Variants in KCNAB1 observed in about 807,000 individuals in gnomAD.
KCNAB1 encodes potassium voltage-gated channel subfamily A regulatory beta subunit 1, also known as voltage-gated potassium channel subunit beta-1.
Under a neutral mutation model 64.6 loss-of-function variants are expected in KCNAB1, and 35 were observed. The observed-to-expected ratio is 0.54, with a 90% CI of 0.41 to 0.72. The LOEUF (loss-of-function observed/expected upper bound fraction) is 0.72. KCNAB1 is among the 30% of genes least tolerant of loss of function. KCNAB1 has a pLI of 0.00. For synonymous variants in KCNAB1, 177 were observed against 183.8 expected, an observed-to-expected ratio of 0.96 and a Z score of 0.30; for missense variants, 401 against 512.9, an observed-to-expected ratio of 0.78 and a Z score of 2.11.
intron 2 of KCNAB1, among the ~76,000 whole-genome samples, chr3:156,428,400 C>T (rs2059265758): frequency 1.3e-5 from 2 of 151,704 alleles, no homozygotes; most frequent in Non-Finnish European, 2.9e-5. Flanking sequence ...ATACCATTAA[C>T]TCCTTTGAGT....
chr3:156,118,361 T>C (rs1263944100), upstream of KCNAB1: 8 of 454,802 alleles, frequency 1.8e-5, no homozygotes, highest in East Asian at 5.6e-4. Flanking sequence ...CCTTACAGAA[T>C]GAACATCTCA....
intron 1 of KCNAB1, among the ~76,000 whole-genome samples, chr3:156,271,973 G>T (rs1012412819): frequency 6.6e-6 from 1 of 152,234 alleles, no homozygotes; most frequent in Non-Finnish European, 1.5e-5. Flanking sequence ...GTACTGCCTT[G>T]ATGGTCTTGT....
At chr3:156,510,905 T>C (rs73875709) in intron 8 of KCNAB1, among the ~76,000 whole-genome samples, 5,125 of 152,238 alleles carry the variant, frequency 0.034, 225 homozygotes, top group African/African-American at 0.11. Flanking sequence ...GGGTCCTCTC[T>C]CTAACCCCTG....
At chr3:156,173,022 A>G (rs1485563044) in intron 1 of KCNAB1, among the ~76,000 whole-genome samples, 4 of 152,230 alleles carry the variant, frequency 2.6e-5, no homozygotes, top group African/African-American at 9.7e-5. Context: ...TTCTAGGGAA[A>G]GACATGTAAG....
At chr3:156,531,082 C>T (rs1718670362) in intron 12 of KCNAB1, among the ~76,000 whole-genome samples, 1 of 152,154 alleles carries the variant, frequency 6.6e-6, no homozygotes, top group East Asian at 1.9e-4. Flanking sequence ...GGAAAACCAG[C>T]GGAGAAGCAA....
intron 1 of KCNAB1, among the ~76,000 whole-genome samples, chr3:156,387,645 C>G (rs1712715559): frequency 6.6e-6 from 1 of 152,090 alleles, no homozygotes; most frequent in Admixed American, 6.6e-5. Flanking sequence ...CTAGACAGAT[C>G]TGTATTCACC....
At chr3:156,192,813 C>G (rs998699015) in intron 1 of KCNAB1, among the ~76,000 whole-genome samples, 1 of 151,944 alleles carries the variant, frequency 6.6e-6, no homozygotes, top group African/African-American at 2.4e-5. Context: ...ATCTGGCTTT[C>G]TTTAGATTAG....
chr3:156,287,192 T>A (rs1000604021), intron 1 of KCNAB1, among the ~76,000 whole-genome samples: 8 of 152,096 alleles, frequency 5.3e-5, no homozygotes, highest in South Asian at 2.1e-4. Context: ...TAGCCTGTGA[T>A]CTGTTCCTAA....
chr3:156,175,599 T>C (rs1021903109), intron 1 of KCNAB1, among the ~76,000 whole-genome samples: 4 of 152,170 alleles, frequency 2.6e-5, no homozygotes, highest in East Asian at 1.9e-4. Context: ...GCCTGGGTGA[T>C]AGAGCGAGAC....
chr3:156,310,620 A>G (rs572153003), intron 1 of KCNAB1, among the ~76,000 whole-genome samples: 39 of 152,186 alleles, frequency 2.6e-4, no homozygotes, highest in South Asian at 6.2e-4. Context: ...TGGCTAACAC[A>G]GTGAAACCCC....
intron 1 of KCNAB1, among the ~76,000 whole-genome samples, chr3:156,421,398 G>A (rs983937070): frequency 5.9e-5 from 9 of 152,216 alleles, no homozygotes; most frequent in African/African-American, 2.2e-4. Flanking sequence ...TTCTGTGAGG[G>A]ACATTTTCTG....
chr3:156,321,017 A>G (rs1722620064), intron 1 of KCNAB1, among the ~76,000 whole-genome samples: 1 of 152,112 alleles, frequency 6.6e-6, no homozygotes. Context: ...ACAAACAGAC[A>G]AAACTCCAAT....
chr3:156,273,412 C>A (rs1390420150), intron 1 of KCNAB1: 1 of 325,896 alleles, frequency 3.1e-6, no homozygotes, highest in Non-Finnish European at 6.2e-6. Flanking sequence ...ATGGGTAATT[C>A]CCCTCTGGCT....
chr3:156,294,400 T>A (rs533697914), intron 1 of KCNAB1, among the ~76,000 whole-genome samples: 40 of 152,330 alleles, frequency 2.6e-4, no homozygotes, highest in African/African-American at 9.4e-4. Flanking sequence ...GACTTACTCT[T>A]CTGTTTCAGA....
intron 1 of KCNAB1, among the ~76,000 whole-genome samples, chr3:156,346,457 C>G (rs1724487419): frequency 6.6e-6 from 1 of 152,128 alleles, no homozygotes. Flanking sequence ...CATCATGTCT[C>G]CCAACAAATA....
At chr3:156,421,565 CA>C (rs771457682) in intron 1 of KCNAB1, 50 bp from the exon 2 acceptor site, 1 of 1,573,566 alleles carries the variant, frequency 6.4e-7, no homozygotes, top group Admixed American at 1.7e-5. Flanking sequence ...TATGCATGTA[CA>C]GTTCCACCTG....
At chr3:156,319,226 CAGTT>C (rs1722493599) in intron 1 of KCNAB1, among the ~76,000 whole-genome samples, 1 of 152,224 alleles carries the variant, frequency 6.6e-6, no homozygotes, top group Non-Finnish European at 1.5e-5. Context: ...AATATTTTGT[CAGTT>C]AGAGTAGTCC....
chr3:156,137,181 T>G (rs1221040044), intron 1 of KCNAB1, among the ~76,000 whole-genome samples: 1 of 151,084 alleles, frequency 6.6e-6, no homozygotes, highest in Admixed American at 6.6e-5. Context: ...CTACTCATTT[T>G]TTTCTAAAGC....
chr3:156,298,397 A>G (rs1229954397), intron 1 of KCNAB1, among the ~76,000 whole-genome samples: 1 of 152,234 alleles, frequency 6.6e-6, no homozygotes, highest in Non-Finnish European at 1.5e-5. Context: ...TGGAGTCCTT[A>G]ATCCCACATC....
Sources: allele counts gnomAD v4.1 joint callset (sites outside exome capture counted in the v4.1 genomes callset), GRCh38; gene constraint gnomAD v4.1.1; transcripts MANE v1.5; gene names NCBI Gene and HGNC (gene_info 2026-07-23, HGNC 2026-07-21).